Variants in RTN1 observed in about 807,000 individuals in gnomAD.
The protein encoded by RTN1 is reticulon 1.
Under a neutral mutation model 65.5 loss-of-function variants are expected in RTN1, and 25 were observed. The observed-to-expected ratio is 0.38, with a 90% CI of 0.28 to 0.53. The LOEUF is 0.53. Ranked by LOEUF, RTN1 falls within the 20% of genes least tolerant of loss-of-function variation. The pLI is 0.79. For missense variants in RTN1, 983 were observed against 1,025.4 expected (o/e 0.96, Z 0.57); for synonymous variants, 471 against 447.6 (o/e 1.05, Z -0.66).
At chr14:59,824,711 C>T (rs1887000598) in intron 1 of RTN1, among the ~76,000 whole-genome samples, 1 of 152,286 alleles carries the variant, frequency 6.6e-6, no homozygotes, top group African/African-American at 2.4e-5. Context: ...GTTTTAGGTA[C>T]TGCAGCCACA....
chr14:59,865,512 G>A (rs897001376), intron 1 of RTN1, among the ~76,000 whole-genome samples: 2 of 152,068 alleles, frequency 1.3e-5, no homozygotes, highest in Non-Finnish European at 2.9e-5. Context: ...TTAAATTAGG[G>A]AGCTCAAATA....
intron 3 of RTN1, chr14:59,630,450 A>C (rs915025882): frequency 6.2e-7 from 1 of 1,613,668 alleles, no homozygotes; most frequent in Non-Finnish European, 8.5e-7. Flanking sequence ...GAATACCCTG[A>C]CTTTTCCAGT....
rs796697092 is a variant in RTN1, at chr14:59,710,188, G to A, written c.1765+16731C>T. Among the ~76,000 whole-genome samples, 30 of 151,922 alleles carry A rather than the reference G, an allele frequency of 2.0e-4. 1 individual carries two copies. Among genetic ancestry groups the A allele is most frequent in the Admixed American group, 5.9e-4 (9 of 15,246 alleles). On this transcript the variant is annotated intron_variant, in intron 3 of 8. Transcript: ENST00000267484. ...CTTCTGAGAATTTGGGAGTACAGGC[G>A]TGCACCACCATACCTGGCCAATTTT...
intron 1 of RTN1, among the ~76,000 whole-genome samples, chr14:59,771,107 A>G (rs1885949457): frequency 6.6e-6 from 1 of 152,002 alleles, no homozygotes; most frequent in African/African-American, 2.4e-5. Flanking sequence ...GTCATCCCTC[A>G]TCAACATGAT....
chr14:59,656,469 G>A (rs879346363), intron 3 of RTN1, among the ~76,000 whole-genome samples: 4 of 152,216 alleles, frequency 2.6e-5, no homozygotes, highest in Non-Finnish European at 5.9e-5. Context: ...AGAGTGAGCC[G>A]GAGTCAAGCT....
At chr14:59,604,051 G>A (rs545598623) in intron 5 of RTN1, 130 bp from the exon 6 acceptor site, 32 of 576,862 alleles carry the variant, frequency 5.5e-5, no homozygotes, top group Middle Eastern at 3.9e-4. Context: ...AATGAAAGGC[G>A]TTGAAAGCTC....
At chr14:59,672,886 C>G (rs576880570) in intron 3 of RTN1, among the ~76,000 whole-genome samples, 136 of 151,120 alleles carry the variant, frequency 9.0e-4, no homozygotes, top group African/African-American at 3.1e-3. Context: ...ATGATCCACC[C>G]GCCTCGGCCT....
chr14:59,750,060 ATATATT>A, intron 1 of RTN1, among the ~76,000 whole-genome samples: 2 of 33,786 alleles, frequency 5.9e-5, no homozygotes, highest in Admixed American at 6.5e-4. Flanking sequence ...TATTATATAC[ATATATT>A]ATATATTATA....
intron 1 of RTN1, among the ~76,000 whole-genome samples, chr14:59,793,802 CT>C (rs1158528628): frequency 6.6e-6 from 1 of 152,054 alleles, no homozygotes; most frequent in Non-Finnish European, 1.5e-5. Flanking sequence ...TCAGCAAAGC[CT>C]CAGCCCAAAT....
intron 1 of RTN1, among the ~76,000 whole-genome samples, chr14:59,840,328 T>C (rs908833997): frequency 1.3e-5 from 2 of 152,068 alleles, no homozygotes; most frequent in Non-Finnish European, 2.9e-5. Flanking sequence ...TAAAATAGAG[T>C]CCAGAAGAGC....
chr14:59,795,342 T>G (rs1376189170), intron 1 of RTN1, among the ~76,000 whole-genome samples: 8 of 152,186 alleles, frequency 5.3e-5, no homozygotes. Flanking sequence ...ATAACTAGAT[T>G]AATGTTAAAT....
intron 4 of RTN1, among the ~76,000 whole-genome samples, chr14:59,606,790 G>C (rs1215776810): frequency 6.6e-6 from 1 of 152,202 alleles, no homozygotes; most frequent in South Asian, 2.1e-4. Context: ...GAGGATACAT[G>C]AGAAGACTGT....
chr14:59,630,799 C>A (rs1363651399), intron 3 of RTN1: 1 of 1,034,020 alleles, frequency 9.7e-7, no homozygotes, highest in Non-Finnish European at 1.2e-6. Context: ...ACCCTGGAGA[C>A]GGGTAAAGCG....
At chr14:59,832,622 A>C (rs1489567131) in intron 1 of RTN1, among the ~76,000 whole-genome samples, 1 of 152,224 alleles carries the variant, frequency 6.6e-6, no homozygotes, top group Non-Finnish European at 1.5e-5. Context: ...TACACAGTGG[A>C]GGTGCCTCAC....
At chr14:59,610,513 T>C (rs1229126349) in intron 3 of RTN1, among the ~76,000 whole-genome samples, 2 of 152,208 alleles carry the variant, frequency 1.3e-5, no homozygotes, top group East Asian at 3.8e-4. Flanking sequence ...GAAACTAAAC[T>C]TTTAAACTTG....
rs570772848 is a variant in RTN1, at chr14:59,782,382, C to T, written c.242-35901G>A. Among the ~76,000 whole-genome samples the T allele has an allele frequency of 3.3e-5, 5 of 152,286 alleles. No homozygotes were observed. In the South Asian group the frequency reaches 1.0e-3, roughly 32 times the overall value. ...GTTGGAGAAGGAGAAAATAGATTCA[C>T]TTTTTAATCCTTGGTTTTGAACTTT... On this transcript the variant is annotated intron_variant, in intron 1 of 8. Transcript: ENST00000267484.
In RTN1 at chr14:59,603,224, A is replaced by G. The variant is rs1881635663; in HGVS notation, c.2217T>C (p.Tyr739=). Residue 739 remains tyrosine, a synonymous_variant, in exon 7 of 9, where the codon TAT becomes TAC. Transcript: ENST00000267484. The part of the protein sequence containing the change: ...VVSMFTLPVV[Y]VKHQAQIDQY... ...ACATAGAACTTACCTGGTGCTTAAC[A>G]TACACTACAGGTAGAGTAAACATTG... 6.2e-7 allele frequency: 1 copy of G among 1,613,504 alleles called. No individual in the cohort carries two copies. The highest frequency in any genetic ancestry group is 8.5e-7 in the Non-Finnish European group (1 of 1,179,722).
intron 3 of RTN1, among the ~76,000 whole-genome samples, chr14:59,679,751 A>T (rs1948049912): frequency 6.6e-6 from 1 of 152,190 alleles, no homozygotes; most frequent in Admixed American, 6.5e-5. Flanking sequence ...ATTGCCACAG[A>T]CACTTCAAAG....
At chr14:59,827,042 A>C (rs1021478830) in intron 1 of RTN1, among the ~76,000 whole-genome samples, 1 of 152,030 alleles carries the variant, frequency 6.6e-6, no homozygotes, top group African/African-American at 2.4e-5. Context: ...CAAATGCATC[A>C]ACAAGGACAT....
Sources: gnomAD v4.1 joint callset for allele counts (sites outside exome capture counted in the v4.1 genomes callset) on GRCh38, gnomAD v4.1.1 for gene constraint, MANE v1.5 for transcripts, NCBI Gene and HGNC (gene_info 2026-07-23, HGNC 2026-07-21) for gene names.